Variants in DNAH10 observed in about 807,000 individuals in gnomAD.
DNAH10 encodes the protein axonemal beta dynein heavy chain 10.
In DNAH10, 348 loss-of-function variants were observed where a neutral mutation model predicts 506.6. That is an observed-to-expected ratio of 0.69 (90% CI 0.63 to 0.75). The LOEUF (loss-of-function observed/expected upper bound fraction) is 0.75. Among genes scored for constraint, DNAH10 ranks in the 30% least tolerant of loss-of-function variants. DNAH10 has a pLI of 0.00. For missense variants in DNAH10, 5,179 were observed against 5,787.1 expected (o/e 0.89, Z 3.41); for synonymous variants, 2,059 against 2,198.6 (o/e 0.94, Z 1.78).
Position 123,767,607 on chromosome 12 carries a change from T to A in DNAH10, c.216T>A (p.Asp72Glu). Residue 72 changes from aspartate to glutamate, a missense_variant and splice_region_variant, in exon 2 of 79, where the codon GAT (aspartate) becomes GAA (glutamate). Asp to Glu is a conservative substitution (Grantham distance 45, BLOSUM62 2). This residue lies in a region of DNAH10 where 326 missense variants were observed against 330.8 expected (regional missense o/e 0.99). Transcript: ENST00000673944. ...MVPEEVEVEIDEIPVLSEEGE... is the reference protein window; with the variant it reads ...MVPEEVEVEIEEIPVLSEEGE... ...CTTCCCATTTATGTGGCCATAAAGA[T>A]GAGATACCTGTCCTGTCTGAAGAGG... 1 of 1,600,816 alleles carries A rather than the reference T, an allele frequency of 6.2e-7. No homozygotes were observed. Among genetic ancestry groups the A allele is most frequent in the Non-Finnish European group, 8.6e-7 (1 of 1,169,296 alleles).
At position 123,902,974 on chromosome 12, in the gene DNAH10, A is replaced by T. The variant is rs772652013; in HGVS notation, c.9676A>T (p.Met3226Leu). 2 of 1,592,256 alleles carry T rather than the reference A, an allele frequency of 1.3e-6. No homozygotes were observed. The highest frequency in any genetic ancestry group is 2.3e-5 in the South Asian group (2 of 87,500). Residue 3226 changes from methionine (M) to leucine (L), a missense_variant, in exon 57 of 79, where the codon ATG becomes TTG. Met to Leu is a conservative substitution (Grantham distance 15, BLOSUM62 2). Around this residue, in one of 3 missense-constraint regions of DNAH10, gnomAD observed 4,844 missense variants for 5,430.5 expected, o/e 0.89. Transcript: ENST00000673944. This position sits in a 1 kb window ranked among gnomAD's most constrained non-coding sequence, Gnocchi z 4.5. ...EKKKLAEEKA[M>L]EIEEQNKVIA... is the part of the protein sequence containing the mutation. ...GAAGAAACTGGCAGAGGAAAAGGCC[A>T]TGGAGATAGAGGAGCAGAACAAAGT...
chr12:123,774,624 G>A (rs748530995), intron 5 of DNAH10, among the ~76,000 whole-genome samples: 10 of 152,196 alleles, frequency 6.6e-5, no homozygotes, highest in African/African-American at 1.4e-4. Context: ...GGGATGGGCC[G>A]AATTAAAGAA....
At chr12:123,871,171 G>C (rs547264861) in intron 44 of DNAH10, among the ~76,000 whole-genome samples, 1 of 152,218 alleles carries the variant, frequency 6.6e-6, no homozygotes, top group African/African-American at 2.4e-5. Context: ...AGTGATGTCA[G>C]CAACAAAGAA....
At position 123,907,874 on chromosome 12, in the gene DNAH10, C is replaced by A. The variant is rs1176534550; in HGVS notation, c.9816-1387C>A. 6.6e-6 allele frequency among the ~76,000 whole-genome samples: 1 copy of A among 152,186 alleles called. No individual in the cohort carries two copies. The highest frequency in any genetic ancestry group is 2.1e-4 in the South Asian group (1 of 4,836). ...CGAGCCTTTTCCCGGGGACTCAGGG[C>A]CTTTCTTTCATCACTGGGCTTTGTG... On this transcript the variant is annotated intron_variant, in intron 57 of 78. Transcript: ENST00000673944. This position sits in a 1 kb window ranked among gnomAD's most constrained non-coding sequence, Gnocchi z 4.4.
Position 123,838,608 on chromosome 12 carries a change from G to A in DNAH10, c.5055G>A (p.Arg1685=), listed in dbSNP as rs1474203459. ...ATTCGAAGAGAAATGCTTTCCCAAG[G>A]TTCTTCTTCATTTCTGACGATGAGT... The part of the protein sequence containing the change: ...YLDSKRNAFP[R]FFFISDDELL... The change falls in exon 29 of 79, where the codon AGG becomes AGA. Residue 1685 remains arginine, a synonymous_variant. Transcript: ENST00000673944. The A allele has an allele frequency of 3.7e-5, 60 of 1,613,898 alleles. No homozygotes were observed. The South Asian group carries it at 6.4e-4, about 17-fold the overall frequency.
chr12:123,883,496 C>G (rs192915935), intron 51 of DNAH10, among the ~76,000 whole-genome samples: 1 of 152,312 alleles, frequency 6.6e-6, no homozygotes, highest in East Asian at 1.9e-4. Context: ...CTCCCCGACT[C>G]TTCATTAGTT....
intron 28 of DNAH10, among the ~76,000 whole-genome samples, chr12:123,836,905 T>C (rs1961190841): frequency 6.6e-6 from 1 of 150,916 alleles, no homozygotes; most frequent in African/African-American, 2.4e-5. Flanking sequence ...CAGGCTGGAG[T>C]GCAGTGGCAC....
At chr12:123,867,752 A>C in intron 42 of DNAH10, 151 bp downstream of exon 42, 2 of 1,345,222 alleles carry the variant, frequency 1.5e-6, no homozygotes, top group Non-Finnish European at 2.0e-6. Flanking sequence ...CTTTTGTGCA[A>C]GTCAAGATAC....
intron 18 of DNAH10, among the ~76,000 whole-genome samples, chr12:123,808,004 AGG>A (rs1958776044): frequency 2.3e-4 from 1 of 4,374 alleles, no homozygotes; most frequent in Non-Finnish European, 5.2e-4. Flanking sequence ...GAGAGACGGG[AGG>A]AGGGAGAGGG....
At position 123,864,459 on chromosome 12, in the gene DNAH10, A is replaced by G. The variant is rs1018189989; in HGVS notation, c.6909-136A>G. 3.4e-5 allele frequency: 42 copies of G among 1,218,724 alleles called. No homozygotes were observed. The African/African-American group carries it at 5.4e-4, about 16-fold the overall frequency. 75.5% of individuals were successfully genotyped at this position (1,218,724 alleles called of 1,614,324 possible). A position where few individuals can be genotyped will look rare whatever the true frequency, so the allele number is the denominator to read the frequency against. ...CCATTTCAGTCAAACCTCTGGGCCAACTAGGGTGCTCTGTCTCAGATACTG... is the reference window on the plus strand; with the variant it reads ...CCATTTCAGTCAAACCTCTGGGCCAGCTAGGGTGCTCTGTCTCAGATACTG... On this transcript the variant is annotated intron_variant, in intron 39 of 78. Transcript: ENST00000673944.
At chr12:123,874,875 A>G (rs12581919) in intron 46 of DNAH10, among the ~76,000 whole-genome samples, 8,426 of 152,000 alleles carry the variant, frequency 0.055, 572 homozygotes, top group African/African-American at 0.17. Flanking sequence ...CTGTCTGTCC[A>G]TCTGCCCATC....
Position 123,783,939 on chromosome 12 carries a change from C to T in DNAH10, c.1000-8C>T, listed in dbSNP as rs1445030462. ...GAGAGTTCTTTGTGTGTTCATTTCACCTCTCAGGGTAAAGGCCCTCTGGCT... is the reference window on the plus strand; with the variant it reads ...GAGAGTTCTTTGTGTGTTCATTTCATCTCTCAGGGTAAAGGCCCTCTGGCT... On this transcript the variant is annotated splice_polypyrimidine_tract_variant and splice_region_variant and intron_variant, in intron 7 of 78. Transcript: ENST00000673944. The T allele has an allele frequency of 2.5e-6, 4 of 1,611,672 alleles. No individual in the cohort carries two copies. The highest frequency in any genetic ancestry group is 2.2e-5 in the East Asian group (1 of 44,890).
rs7978781 is a variant in DNAH10 at position 123,903,490 on chromosome 12, T to C, written c.9815+377T>C. Among the ~76,000 whole-genome samples, 43,159 of 152,218 alleles carry C rather than the reference T, an allele frequency of 0.28. 6,711 individuals are homozygous for C. Among genetic ancestry groups the C allele is most frequent in the African/African-American group, 0.42 (17,543 of 41,514 alleles). On this transcript the variant is annotated intron_variant, in intron 57 of 78. Coordinates refer to ENST00000673944, the MANE Select transcript of DNAH10 (RefSeq NM_001372106.1). The surrounding 1 kb of genome is among the most constrained non-coding windows in gnomAD (Gnocchi z 4.6). Reference sequence around the variant, plus strand: ...GGCTGAGCCCTGCTGAAAACAGCTCTGCAGAGATGTGTGCACACCACGGCC... The same window carrying C: ...GGCTGAGCCCTGCTGAAAACAGCTCCGCAGAGATGTGTGCACACCACGGCC...
At chr12:123,934,904 C>A in intron 78 of DNAH10, 138 bp downstream of exon 78, 3 of 1,203,872 alleles carry the variant, frequency 2.5e-6, no homozygotes, top group Non-Finnish European at 3.4e-6. Flanking sequence ...AGTCTTGGAG[C>A]CGTGATAAAA....
chr12:123,879,487 TG>T, intron 49 of DNAH10, 130 bp downstream of exon 49: 1 of 1,416,760 alleles, frequency 7.1e-7, no homozygotes, highest in East Asian at 2.4e-5. Context: ...CAAAGGAGGG[TG>T]GGTGGGTTAT....
intron 36 of DNAH10, among the ~76,000 whole-genome samples, chr12:123,855,978 C>T (rs1951370569): frequency 6.7e-6 from 1 of 148,758 alleles, no homozygotes; most frequent in African/African-American, 2.4e-5. Flanking sequence ...TTTTTATTTT[C>T]ATATGAAACT....
intron 21 of DNAH10, among the ~76,000 whole-genome samples, chr12:123,815,816 G>T (rs759036713): frequency 1.3e-5 from 2 of 152,174 alleles, no homozygotes; most frequent in Non-Finnish European, 2.9e-5. Context: ...AGGCCATATG[G>T]TAGAACCTAT....
intron 44 of DNAH10, among the ~76,000 whole-genome samples, chr12:123,870,771 C>T (rs74959669): frequency 6.6e-6 from 1 of 152,202 alleles, no homozygotes; most frequent in Admixed American, 6.5e-5. Context: ...TTCGCCTCCC[C>T]TGGCCTTTCC....
At position 123,849,777 on chromosome 12, in the gene DNAH10, A is replaced by G. The variant is rs116963775; in HGVS notation, c.6102+895A>G. ...TTCAGCTTGAGCTGGTGGCCCTGTC[A>G]TCTCACATGCGTCCTCCTCAGATCT... is the stretch of plus-strand genomic sequence containing the variant. On this transcript the variant is annotated intron_variant, in intron 34 of 78. Transcript: ENST00000673944. Among the ~76,000 whole-genome samples, 23 of 152,302 alleles carry G rather than the reference A, an allele frequency of 1.5e-4. No individual in the cohort carries two copies. The South Asian group carries it at 4.4e-3, about 29-fold the overall frequency.
Sources: gnomAD v4.1 joint callset for allele counts (sites outside exome capture counted in the v4.1 genomes callset) on GRCh38, gnomAD v4.1.1 for gene constraint, gnomAD v4.1.1 regional missense constraint, Gnocchi (gnomAD v3.1) non-coding constraint, MANE v1.5 for transcripts, NCBI Gene and HGNC (gene_info 2026-07-23, HGNC 2026-07-21) for gene names.